The following NCOA2 variants were observed in gnomAD, a reference collection of about 807,000 sequenced individuals.
NCOA2 encodes the protein class E basic helix-loop-helix protein 75.
A neutral mutation model predicts 145.1 loss-of-function variants in NCOA2; 21 were observed. The ratio of observed to expected loss-of-function variants is 0.14; its 90% confidence interval spans 0.10 to 0.21. The LOEUF (loss-of-function observed/expected upper bound fraction) is 0.21, where lower values mean the gene tolerates loss of function less well. Ranked by LOEUF, NCOA2 falls within the 10% of genes least tolerant of loss-of-function variation. The pLI, the probability that NCOA2 is intolerant of heterozygous loss-of-function variation, is 1.00. For synonymous variants in NCOA2, 619 were observed against 637.5 expected, an observed-to-expected ratio of 0.97 and a Z score of 0.44; for missense variants, 1,472 against 1,837.6, an observed-to-expected ratio of 0.80 and a Z score of 3.64.
intron 1 of NCOA2, among the ~76,000 whole-genome samples, chr8:70,379,753 A>C (rs1359732205): frequency 6.6e-6 from 1 of 152,154 alleles, no homozygotes; most frequent in African/African-American, 2.4e-5. Flanking sequence ...TTTAAAAAAT[A>C]TATATTAGTA....
intron 1 of NCOA2, among the ~76,000 whole-genome samples, chr8:70,400,421 T>C (rs1467180795): frequency 1.3e-5 from 2 of 152,132 alleles, no homozygotes; most frequent in African/African-American, 4.8e-5. Flanking sequence ...TTAGGAGACT[T>C]GGTTCTCTCT....
intron 1 of NCOA2, among the ~76,000 whole-genome samples, chr8:70,303,706 T>C (rs370001943): frequency 6.6e-6 from 1 of 152,184 alleles, no homozygotes; most frequent in Non-Finnish European, 1.5e-5. Flanking sequence ...GCTGGACTAG[T>C]AATTTTTAAA....
chr8:70,198,748 C>T (rs775379932), intron 4 of NCOA2, among the ~76,000 whole-genome samples: 15 of 152,006 alleles, frequency 9.9e-5, no homozygotes, highest in Non-Finnish European at 1.9e-4. Context: ...TTTCTAGCCT[C>T]GGTAAGGACA....
intron 2 of NCOA2, among the ~76,000 whole-genome samples, chr8:70,265,987 TA>T (rs1256364653): frequency 1.3e-5 from 2 of 151,990 alleles, no homozygotes; most frequent in South Asian, 4.1e-4. Flanking sequence ...CAAAAATCTC[TA>T]AAAATACAAA....
At chr8:70,340,046 G>A (rs1390368302) in intron 1 of NCOA2, among the ~76,000 whole-genome samples, 1 of 152,098 alleles carries the variant, frequency 6.6e-6, no homozygotes, top group Admixed American at 6.6e-5. Context: ...ATTTCATGAT[G>A]AAAATGCCAA....
At chr8:70,206,758 C>T (rs1402589243) in intron 4 of NCOA2, among the ~76,000 whole-genome samples, 1 of 152,194 alleles carries the variant, frequency 6.6e-6, no homozygotes, top group African/African-American at 2.4e-5. Context: ...TCCCATACAT[C>T]TTATTCTACA....
In NCOA2 at chr8:70,156,773, T is replaced by C. The variant is rs1335012685; in HGVS notation, c.1592A>G (p.Asn531Ser). 8 of 1,613,868 alleles carry C rather than the reference T, an allele frequency of 5.0e-6. No individual in the cohort carries two copies. The African/African-American group carries it at 1.1e-4, about 22-fold the overall frequency. ...GGCCTGAAGTGCATTGAGGGAGCTG[T>C]TGGTATAACTATGGCTATTTCCTGT... The part of the protein sequence containing the change: ...SSTGNSHSYT[N>S]SSLNALQALS... The change falls in exon 11 of 23, where the codon AAC becomes AGC. Residue 531 changes from asparagine to serine, a missense_variant. By Grantham distance (46) the Asn-to-Ser change is conservative (BLOSUM62 1). Transcript: ENST00000452400.
chr8:70,231,919 G>A (rs548041926), intron 2 of NCOA2, among the ~76,000 whole-genome samples: 71 of 152,202 alleles, frequency 4.7e-4, no homozygotes, highest in Middle Eastern at 3.4e-3. Flanking sequence ...TCAGACTAGC[G>A]CTTCCTCTCT....
intron 15 of NCOA2, among the ~76,000 whole-genome samples, chr8:70,132,596 AC>A (rs1809258310): frequency 6.6e-6 from 1 of 152,190 alleles, no homozygotes; most frequent in Non-Finnish European, 1.5e-5. Flanking sequence ...ACAGGGTCTC[AC>A]TTCATTGCCC....
intron 2 of NCOA2, among the ~76,000 whole-genome samples, chr8:70,227,457 A>T (rs1323819621): frequency 6.6e-6 from 1 of 152,174 alleles, no homozygotes; most frequent in Non-Finnish European, 1.5e-5. Context: ...CTTCTGAAAT[A>T]CCTTTTTATG....
At chr8:70,300,676 T>C (rs1442628379) in intron 1 of NCOA2, among the ~76,000 whole-genome samples, 1 of 152,152 alleles carries the variant, frequency 6.6e-6, no homozygotes, top group Admixed American at 6.5e-5. Flanking sequence ...AGTGAATGGA[T>C]AGAAACAGAC....
chr8:70,265,425 A>G (rs1824489393), intron 2 of NCOA2, among the ~76,000 whole-genome samples: 1 of 152,210 alleles, frequency 6.6e-6, no homozygotes, highest in African/African-American at 2.4e-5. Context: ...TGACAGCACG[A>G]GCTGAAACAG....
chr8:70,191,174 C>T (rs529027307), intron 4 of NCOA2, among the ~76,000 whole-genome samples: 2 of 152,258 alleles, frequency 1.3e-5, no homozygotes, highest in Admixed American at 1.3e-4. Flanking sequence ...CATTTGTGTG[C>T]TTTAAAAAAA....
chr8:70,211,790 T>A (rs550319492), intron 4 of NCOA2, among the ~76,000 whole-genome samples: 1 of 152,334 alleles, frequency 6.6e-6, no homozygotes, highest in East Asian at 1.9e-4. Flanking sequence ...AATACATTTA[T>A]GCTTTTCGTT....
intron 2 of NCOA2, among the ~76,000 whole-genome samples, chr8:70,249,684 C>T (rs577729664): frequency 6.6e-6 from 1 of 151,882 alleles, no homozygotes; most frequent in Non-Finnish European, 1.5e-5. Flanking sequence ...AACTGTAGGC[C>T]GGGTGCAGTG....
intron 1 of NCOA2, among the ~76,000 whole-genome samples, chr8:70,332,773 C>T (rs942931556): frequency 1.3e-5 from 2 of 152,168 alleles, no homozygotes; most frequent in African/African-American, 4.8e-5. Flanking sequence ...CTTTAAAGAT[C>T]AAACTCCAGG....
chr8:70,400,622 T>C (rs968942014), intron 1 of NCOA2, among the ~76,000 whole-genome samples: 1 of 152,238 alleles, frequency 6.6e-6, no homozygotes, highest in Admixed American at 6.5e-5. Flanking sequence ...CTTACCTCTC[T>C]GTCAGTCTAA....
In NCOA2 at chr8:70,320,068, T is replaced by A. The variant is rs144721625; in HGVS notation, c.-76-23268A>T. Among the ~76,000 whole-genome samples, 859 of 152,304 alleles carry A rather than the reference T, an allele frequency of 5.6e-3. 14 individuals carry two copies. The highest frequency in any genetic ancestry group is 4.5e-3 in the Non-Finnish European group (305 of 68,010). ...ATAGTATAAATGTTTATAAATTCACTTTTCAAAATTTTAAAATTCCTTTGC... is the reference window on the plus strand; with the variant it reads ...ATAGTATAAATGTTTATAAATTCACATTTCAAAATTTTAAAATTCCTTTGC... On this transcript the variant is annotated intron_variant, in intron 1 of 22. Transcript: ENST00000452400.
intron 1 of NCOA2, among the ~76,000 whole-genome samples, chr8:70,313,822 T>C (rs139534459): frequency 2.0e-5 from 3 of 152,194 alleles, no homozygotes; most frequent in African/African-American, 7.2e-5. Context: ...TTATATCCAT[T>C]TTATAATTCA....
Sources: gnomAD v4.1 joint callset for allele counts (sites outside exome capture counted in the v4.1 genomes callset) on GRCh38, gnomAD v4.1.1 for gene constraint, MANE v1.5 for transcripts, NCBI Gene and HGNC (gene_info 2026-07-23, HGNC 2026-07-21) for gene names.